The following TYW1B variants were observed in gnomAD, a reference collection of about 807,000 sequenced individuals.
TYW1B encodes S-adenosyl-L-methionine-dependent tRNA 4-demethylwyosine synthase TYW1B.
In TYW1B, 73 loss-of-function variants were observed where a neutral mutation model predicts 86.9. That is an observed-to-expected ratio of 0.84 (90% confidence interval 0.70 to 1.02). TYW1B has a LOEUF of 1.02. TYW1B is among the 50% of genes least tolerant of loss of function. TYW1B has a pLI of 0.00. For missense variants in TYW1B, 637 were observed against 827.4 expected (o/e 0.77, Z 2.82); for synonymous variants, 248 against 292.8 (o/e 0.85, Z 1.56).
intron 10 of TYW1B, among the ~76,000 whole-genome samples, chr7:72,710,606 A>G (rs1321479707): frequency 1.3e-5 from 2 of 152,100 alleles, no homozygotes; most frequent in Non-Finnish European, 2.9e-5. Flanking sequence ...CGGGTGTATC[A>G]CTTGAGGTCA....
intron 2 of TYW1B, among the ~76,000 whole-genome samples, chr7:72,820,749 T>TC (rs1256765515): frequency 2.6e-5 from 4 of 152,070 alleles, no homozygotes; most frequent in African/African-American, 9.7e-5. Context: ...CCCAAACACC[T>TC]CCCATTAGGC....
At chr7:72,762,619 AAG>A (rs782280725) in intron 7 of TYW1B, among the ~76,000 whole-genome samples, 5 of 152,100 alleles carry the variant, frequency 3.3e-5, no homozygotes, top group Non-Finnish European at 7.4e-5. Flanking sequence ...TGCTGTTACT[AAG>A]AGTCATGTAT....
At chr7:72,669,708 T>C (rs1220346442) in intron 11 of TYW1B, among the ~76,000 whole-genome samples, 1 of 151,970 alleles carries the variant, frequency 6.6e-6, no homozygotes, top group Admixed American at 6.6e-5. Context: ...AGGCAGAGAC[T>C]TCAGTGAGCT....
intron 13 of TYW1B, among the ~76,000 whole-genome samples, chr7:72,605,620 G>A (rs547118431): frequency 2.6e-4 from 39 of 152,200 alleles, no homozygotes; most frequent in African/African-American, 8.7e-4. Flanking sequence ...CCAAAGTGCT[G>A]GGATTACAGG....
intron 10 of TYW1B, among the ~76,000 whole-genome samples, chr7:72,708,731 C>G (rs868954146): frequency 6.6e-6 from 1 of 152,094 alleles, no homozygotes; most frequent in Admixed American, 6.6e-5. Flanking sequence ...CTTTTTCTTT[C>G]TGTTTTCTCT....
chr7:72,644,691 T>C (rs1168873678), intron 11 of TYW1B, among the ~76,000 whole-genome samples: 2 of 151,882 alleles, frequency 1.3e-5, no homozygotes, highest in African/African-American at 4.8e-5. Flanking sequence ...TTGAATCAAA[T>C]GGATACCCAT....
chr7:72,639,684 T>G (rs532901698), intron 11 of TYW1B, among the ~76,000 whole-genome samples: 45 of 152,060 alleles, frequency 3.0e-4, no homozygotes, highest in South Asian at 8.3e-4. Flanking sequence ...GCCAACATGG[T>G]GAAATGCAGT....
At chr7:72,577,692 C>T (rs1276103071) in intron 13 of TYW1B, among the ~76,000 whole-genome samples, 3 of 152,212 alleles carry the variant, frequency 2.0e-5, no homozygotes, top group Non-Finnish European at 4.4e-5. Flanking sequence ...CTGATTCCAG[C>T]TGTGGCTTCT....
chr7:72,587,697 C>T (rs1213417290), intron 13 of TYW1B, among the ~76,000 whole-genome samples: 1 of 152,170 alleles, frequency 6.6e-6, no homozygotes, highest in Admixed American at 6.6e-5. Flanking sequence ...CTCCTAAACA[C>T]TAATTTCTAA....
At chr7:72,804,933 T>C (rs1788467662) in intron 5 of TYW1B, among the ~76,000 whole-genome samples, 1 of 152,204 alleles carries the variant, frequency 6.6e-6, no homozygotes, top group Non-Finnish European at 1.5e-5. Flanking sequence ...AAGTTTCTAA[T>C]GGAAAGACTC....
chr7:72,812,484 G>A (rs1554478546), intron 3 of TYW1B, among the ~76,000 whole-genome samples: 13 of 152,138 alleles, frequency 8.5e-5, no homozygotes, highest in Non-Finnish European at 1.5e-5. Flanking sequence ...TCCAAGTCAT[G>A]AGGTAAGTTA....
chr7:72,686,991 A>G (rs1814021607), intron 11 of TYW1B, among the ~76,000 whole-genome samples: 1 of 152,204 alleles, frequency 6.6e-6, no homozygotes, highest in African/African-American at 2.4e-5. Context: ...GAAAGAGGAA[A>G]ACATAAGAAA....
intron 13 of TYW1B, among the ~76,000 whole-genome samples, chr7:72,592,208 G>C (rs1265224455): frequency 6.7e-6 from 1 of 149,968 alleles, no homozygotes; most frequent in Admixed American, 6.6e-5. Context: ...TTTATGTTTT[G>C]GGGCACACAA....
intron 9 of TYW1B, among the ~76,000 whole-genome samples, chr7:72,714,169 T>TG (rs1786731384): frequency 6.6e-6 from 1 of 152,094 alleles, no homozygotes; most frequent in Admixed American, 6.6e-5. Context: ...GACCAATCAT[T>TG]CCTCAAGTAT....
chr7:72,750,351 C>G (rs1205432659), intron 7 of TYW1B, among the ~76,000 whole-genome samples: 5 of 152,170 alleles, frequency 3.3e-5, no homozygotes, highest in African/African-American at 1.2e-4. Context: ...CAAAGTTCGT[C>G]GTTCTTTTCT....
chr7:72,802,841 G>A (rs1345779573), intron 5 of TYW1B, among the ~76,000 whole-genome samples: 6 of 152,110 alleles, frequency 3.9e-5, no homozygotes, highest in East Asian at 1.9e-4. Context: ...GGCTGGTCTC[G>A]AACCCCTGAC....
chr7:72,614,102 T>C (rs1217996995), intron 13 of TYW1B, among the ~76,000 whole-genome samples: 1 of 151,726 alleles, frequency 6.6e-6, no homozygotes, highest in Non-Finnish European at 1.5e-5. Context: ...GGCAGAAAAA[T>C]GGTAACAGGT....
intron 11 of TYW1B, among the ~76,000 whole-genome samples, chr7:72,672,823 G>A (rs1813641690): frequency 6.6e-6 from 1 of 152,148 alleles, no homozygotes. Context: ...TGTACATTTT[G>A]TTTCAAAGAT....
At chr7:72,639,664 G>A (rs1397077162) in intron 11 of TYW1B, among the ~76,000 whole-genome samples, 1 of 151,974 alleles carries the variant, frequency 6.6e-6, no homozygotes, top group African/African-American at 2.4e-5. Flanking sequence ...AGGAGTTCAA[G>A]ACCAGCCTGG....
Sources: allele counts gnomAD v4.1 joint callset (sites outside exome capture counted in the v4.1 genomes callset), GRCh38; gene constraint gnomAD v4.1.1; transcripts MANE v1.5; gene names NCBI Gene and HGNC (gene_info 2026-07-23, HGNC 2026-07-21).